Variants in SLC44A1 observed in about 807,000 individuals in gnomAD.
The protein encoded by SLC44A1 is solute carrier family 44 member 1, also known as choline transporter-like protein 1.
SLC44A1 carries 26 observed loss-of-function variants against 79.3 expected under a neutral mutation model. The observed-to-expected ratio is 0.33, with a 90% CI of 0.24 to 0.46. SLC44A1 has a LOEUF of 0.46. SLC44A1 is among the 20% of genes least tolerant of loss of function. The pLI is 1.00. For missense variants in SLC44A1, 688 were observed against 798.1 expected, an observed-to-expected ratio of 0.86 and a Z score of 1.66; for synonymous variants, 263 against 286.2, an observed-to-expected ratio of 0.92 and a Z score of 0.82.
At chr9:105,276,177 C>G (rs554091185) in intron 1 of SLC44A1, among the ~76,000 whole-genome samples, 1 of 152,164 alleles carries the variant, frequency 6.6e-6, no homozygotes, top group East Asian at 1.9e-4. Context: ...TTCCAAGTGT[C>G]CTTGATCTGA....
Position 105,392,390 on chromosome 9 carries a change from T to G in SLC44A1, c.*3334T>G, listed in dbSNP as rs865807184. 7.7e-5 allele frequency: 63 copies of G among 818,762 alleles called. No homozygotes were observed. Among genetic ancestry groups the G allele is most frequent in the Middle Eastern group, 1.2e-3 (2 of 1,636 alleles). 50.7% of individuals were successfully genotyped at this position (818,762 alleles called of 1,614,324 possible). A position where few individuals can be genotyped will look rare whatever the true frequency, so the allele number is the denominator to read the frequency against. On this transcript the variant is annotated 3_prime_UTR_variant, in exon 16 of 16. Transcript: ENST00000374720. ...ATGTTTTTCTTTTGTAGAGATGCTC[T>G]CTCTCTCTCTCTCTTTTTTTTTTTT...
intron 2 of SLC44A1, among the ~76,000 whole-genome samples, chr9:105,300,151 A>G (rs1389184755): frequency 1.3e-5 from 2 of 152,192 alleles, no homozygotes; most frequent in Non-Finnish European, 2.9e-5. Flanking sequence ...AAAAACATCA[A>G]ACTCAGAGAT....
chr9:105,284,135 C>G (rs1466344988), intron 1 of SLC44A1, among the ~76,000 whole-genome samples: 1 of 152,238 alleles, frequency 6.6e-6, no homozygotes. Context: ...CTATAACTAC[C>G]CAGGTACAAA....
chr9:105,256,499 C>G (rs1221911017), intron 1 of SLC44A1, among the ~76,000 whole-genome samples: 1 of 151,776 alleles, frequency 6.6e-6, no homozygotes, highest in African/African-American at 2.4e-5. Flanking sequence ...AAGACCCACT[C>G]TCCTTTTGGT....
At chr9:105,275,376 C>T (rs1478393426) in intron 1 of SLC44A1, among the ~76,000 whole-genome samples, 1 of 152,154 alleles carries the variant, frequency 6.6e-6, no homozygotes, top group African/African-American at 2.4e-5. Flanking sequence ...TTAGTAAATT[C>T]ATCTTCAGAA....
intron 3 of SLC44A1, among the ~76,000 whole-genome samples, chr9:105,330,174 G>A (rs925250443): frequency 2.6e-5 from 4 of 152,146 alleles, no homozygotes; most frequent in African/African-American, 9.7e-5. Context: ...CCTATATCAT[G>A]TACAGGTAGG....
Position 105,391,202 on chromosome 9 carries a change from A to G in SLC44A1, c.*2146A>G, listed in dbSNP as rs1828755264. 3 of 985,792 alleles carry G rather than the reference A, an allele frequency of 3.0e-6. No individual in the cohort carries two copies. Among genetic ancestry groups the G allele is most frequent in the Middle Eastern group, 5.2e-4 (1 of 1,914 alleles). 61.1% of individuals were successfully genotyped at this position (985,792 alleles called of 1,614,324 possible). Reference sequence around the variant, plus strand: ...GAAATTAGGTTCTACTCACTTGGACATCCCTGCATCATGGACTGTTGCTGC... The same window carrying G: ...GAAATTAGGTTCTACTCACTTGGACGTCCCTGCATCATGGACTGTTGCTGC... On this transcript the variant is annotated 3_prime_UTR_variant, in exon 16 of 16. Transcript: ENST00000374720.
intron 15 of SLC44A1, among the ~76,000 whole-genome samples, chr9:105,414,244 A>G (rs1829137983): frequency 6.6e-6 from 1 of 151,712 alleles, no homozygotes; most frequent in African/African-American, 2.4e-5. Flanking sequence ...TGTAGTAGAG[A>G]TGGGGTTTCA....
chr9:105,267,991 T>C (rs920360335), intron 1 of SLC44A1, among the ~76,000 whole-genome samples: 9 of 152,188 alleles, frequency 5.9e-5, no homozygotes, highest in Admixed American at 3.3e-4. Context: ...TTAATCTGGC[T>C]GCCAGAGTCC....
chr9:105,283,125 C>G (rs1830397668), intron 1 of SLC44A1, among the ~76,000 whole-genome samples: 1 of 152,170 alleles, frequency 6.6e-6, no homozygotes, highest in African/African-American at 2.4e-5. Context: ...ACTCAGCACT[C>G]TCATGCTCCT....
intron 3 of SLC44A1, among the ~76,000 whole-genome samples, chr9:105,313,748 A>C (rs1831243068): frequency 6.6e-6 from 1 of 151,988 alleles, no homozygotes; most frequent in African/African-American, 2.4e-5. Flanking sequence ...TTAGATAAAA[A>C]ATTATTATCA....
intron 3 of SLC44A1, among the ~76,000 whole-genome samples, chr9:105,327,648 C>T (rs1826621245): frequency 6.6e-6 from 1 of 152,172 alleles, no homozygotes; most frequent in Non-Finnish European, 1.5e-5. Context: ...TTCTTGTTTT[C>T]AGCTGTGCCA....
At chr9:105,251,540 C>G (rs930949031) in intron 1 of SLC44A1, among the ~76,000 whole-genome samples, 2 of 152,198 alleles carry the variant, frequency 1.3e-5, no homozygotes, top group African/African-American at 4.8e-5. Context: ...TCCCATTGCT[C>G]TTAGGACAAA....
intron 15 of SLC44A1, among the ~76,000 whole-genome samples, chr9:105,427,085 C>T (rs753983644): frequency 4.6e-5 from 7 of 151,988 alleles, no homozygotes; most frequent in African/African-American, 1.2e-4. Context: ...ACAGGCCCAC[C>T]GCGCTCAGCT....
chr9:105,264,519 A>C (rs1829915350), intron 1 of SLC44A1, among the ~76,000 whole-genome samples: 1 of 152,184 alleles, frequency 6.6e-6, no homozygotes, highest in South Asian at 2.1e-4. Context: ...CAGCCGAGTC[A>C]TGTAGTATTT....
intron 4 of SLC44A1, among the ~76,000 whole-genome samples, chr9:105,345,192 C>T (rs545711378): frequency 6.8e-4 from 104 of 152,172 alleles, no homozygotes; most frequent in African/African-American, 2.4e-3. Flanking sequence ...AAACACTTTA[C>T]AGTATTTTAA....
intron 5 of SLC44A1, among the ~76,000 whole-genome samples, chr9:105,351,379 C>G (rs963228552): frequency 6.6e-6 from 1 of 151,880 alleles, no homozygotes; most frequent in South Asian, 2.1e-4. Context: ...ACCAAAAACA[C>G]AAAAATTAGC....
intron 12 of SLC44A1, among the ~76,000 whole-genome samples, chr9:105,368,055 G>C (rs1218138241): frequency 6.6e-6 from 1 of 152,072 alleles, no homozygotes; most frequent in Non-Finnish European, 1.5e-5. Context: ...TCCTGAAAAG[G>C]AGATGTGCAG....
chr9:105,333,284 T>C (rs2131354849), intron 3 of SLC44A1, among the ~76,000 whole-genome samples: 1 of 152,240 alleles, frequency 6.6e-6, no homozygotes, highest in Admixed American at 6.5e-5. Context: ...TCTACTGTGA[T>C]GTGATTTCCC....
Sources: gnomAD v4.1 joint callset for allele counts (sites outside exome capture counted in the v4.1 genomes callset) on GRCh38, gnomAD v4.1.1 for gene constraint, MANE v1.5 for transcripts, NCBI Gene and HGNC (gene_info 2026-07-23, HGNC 2026-07-21) for gene names.